The following IVD variants were observed in gnomAD, a reference collection of about 807,000 sequenced individuals.
IVD encodes isovaleryl-CoA dehydrogenase, also known as isovaleryl-CoA dehydrogenase, mitochondrial.
IVD carries 31 observed loss-of-function variants against 51.3 expected under a neutral mutation model. The observed-to-expected ratio is 0.60, with a 90% CI of 0.45 to 0.81. The LOEUF is 0.81. Ranked by LOEUF, IVD falls within the 40% of genes least tolerant of loss-of-function variation. The pLI, the probability that IVD is intolerant of heterozygous loss-of-function variation, is 0.00. For missense variants in IVD, 475 were observed against 552.0 expected (o/e 0.86, Z 1.40); for synonymous variants, 205 against 219.4 (o/e 0.93, Z 0.58).
Position 40,420,132 on chromosome 15 carries a change from C to G in IVD, c.*1869C>G. ...AATAATAATAAAATAAATGAACACA[C>G]ATGCTGCTGAGTCCGCAGGGGGGGC... On this transcript the variant is annotated 3_prime_UTR_variant, in exon 12 of 12. Transcript: ENST00000487418. 1.0e-6 allele frequency: 1 copy of G among 971,200 alleles called. No individual in the cohort carries two copies. Among genetic ancestry groups the G allele is most frequent in the Non-Finnish European group, 1.2e-6 (1 of 824,232 alleles). 60.2% of individuals were successfully genotyped at this position (971,200 alleles called of 1,614,324 possible).
rs1402470258 is a variant in IVD at position 40,413,047 on chromosome 15, T to A, written c.744T>A (p.Ser248=). The change falls in exon 7 of 12, where the codon TCT becomes TCA. Residue 248 remains serine (S), a synonymous_variant. Transcript: ENST00000487418. The part of the protein sequence containing the change: ...KKLDKLGMRG[S]NTCELIFEDC... Reference sequence around the variant, plus strand: ...TGGACAAGCTGGGGATGAGGGGCTCTAACACCTGTGAGCTAATCTTTGAAG... The same window carrying A: ...TGGACAAGCTGGGGATGAGGGGCTCAAACACCTGTGAGCTAATCTTTGAAG... 6.2e-7 allele frequency: 1 copy of A among 1,614,098 alleles called. No homozygotes were observed. The highest frequency in any genetic ancestry group is 1.1e-5 in the South Asian group (1 of 91,080).
chr15:40,409,905 C>T (rs1173816137), intron 3 of IVD, among the ~76,000 whole-genome samples: 2 of 149,248 alleles, frequency 1.3e-5, no homozygotes, highest in East Asian at 2.0e-4. Context: ...GGCGCGATCT[C>T]GGCTCTCTGC....
chr15:40,413,112 G>A (rs958984289), intron 7 of IVD, 25 bp downstream of exon 7: 43 of 1,576,104 alleles, frequency 2.7e-5, no homozygotes, highest in East Asian at 4.5e-5. Flanking sequence ...GAATCGGGGA[G>A]CCCCTCTCCT....
At chr15:40,411,522 G>A (rs779371595) in intron 5 of IVD, 33 bp from the exon 6 acceptor site, 8 of 1,614,130 alleles carry the variant, frequency 5.0e-6, no homozygotes, top group Non-Finnish European at 6.8e-6. Flanking sequence ...AGGCCAAGAT[G>A]GCTTGAGCAA....
downstream of IVD, among the ~76,000 whole-genome samples, chr15:40,429,454 A>G (rs1892848661): frequency 6.6e-6 from 1 of 152,184 alleles, no homozygotes; most frequent in African/African-American, 2.4e-5. Flanking sequence ...AATTACTCCA[A>G]TTTTAATGTT....
intron 11 of IVD, among the ~76,000 whole-genome samples, chr15:40,416,825 C>T (rs537364046): frequency 7.9e-4 from 121 of 152,322 alleles, no homozygotes; most frequent in African/African-American, 2.9e-3. Context: ...AATGAGAAAA[C>T]TGCTAGATGC....
At chr15:40,432,684 G>A (rs1395774090) in intron 7 of IVD, among the ~76,000 whole-genome samples, 1 of 152,270 alleles carries the variant, frequency 6.6e-6, no homozygotes, top group African/African-American at 2.4e-5. Flanking sequence ...AATGTGCTTA[G>A]GGATGCCACA....
intron 4 of IVD, 96 bp downstream of exon 4, chr15:40,410,893 T>C: frequency 7.0e-7 from 1 of 1,429,692 alleles, no homozygotes; most frequent in South Asian, 1.2e-5. Context: ...ACCTGCTTTC[T>C]GTAGCATGCT....
chr15:40,431,284 G>A (rs1380615381), intron 7 of IVD, among the ~76,000 whole-genome samples: 2 of 151,818 alleles, frequency 1.3e-5, no homozygotes, highest in Non-Finnish European at 2.9e-5. Flanking sequence ...GTGCCCAGCC[G>A]GCTCCACTAT....
Position 40,405,953 on chromosome 15 carries a change from A to G in IVD, c.126A>G (p.Leu42=), listed in dbSNP as rs1426096405. Residue 42 remains leucine (L), a synonymous_variant, in exon 1 of 12, where the codon CTA becomes CTG. Coordinates refer to ENST00000487418, the MANE Select transcript of IVD (RefSeq NM_002225.5). ...CCGTGGACGATGCAATCAATGGGCTAAGCGAGGAGCAGAGGCAGGTGAGGA... is the reference window on the plus strand; with the variant it reads ...CCGTGGACGATGCAATCAATGGGCTGAGCGAGGAGCAGAGGCAGGTGAGGA... ...LLPVDDAING[L]SEEQRQLRQT... is the part of the protein sequence containing the mutation. 6.2e-7 allele frequency: 1 copy of G among 1,611,646 alleles called. No homozygotes were observed. The highest frequency in any genetic ancestry group is 1.3e-5 in the African/African-American group (1 of 74,898).
At chr15:40,421,517 G>C (rs532135210), downstream of IVD, among the ~76,000 whole-genome samples, 1 of 152,166 alleles carries the variant, frequency 6.6e-6, no homozygotes, top group Non-Finnish European at 1.5e-5. Context: ...CTGCCCTGTG[G>C]GAGGGCAACA....
intron 7 of IVD, chr15:40,433,754 A>T (rs1595834724): frequency 2.4e-6 from 1 of 422,846 alleles, no homozygotes; most frequent in African/African-American, 2.0e-5. Flanking sequence ...AAGCATTATT[A>T]GGCAACTACT....
intron 8 of IVD, 49 bp from the exon 9 acceptor site, chr15:40,415,352 C>A (rs375048123): frequency 6.7e-7 from 1 of 1,490,172 alleles, no homozygotes; most frequent in South Asian, 1.1e-5. Context: ...CCACCACACC[C>A]GGTGGTGGGA....
At chr15:40,406,122 G>A (rs1469640691) in intron 1 of IVD, 151 bp downstream of exon 1, 1 of 1,538,822 alleles carries the variant, frequency 6.5e-7, no homozygotes, top group African/African-American at 1.4e-5. Flanking sequence ...GGGGCGGGAC[G>A]CGGGGCCTCC....
chr15:40,431,746 T>C (rs1892989441), intron 7 of IVD, among the ~76,000 whole-genome samples: 1 of 151,802 alleles, frequency 6.6e-6, no homozygotes, highest in Admixed American at 6.6e-5. Flanking sequence ...GCCTAACTCA[T>C]GGAATCTCTC....
At position 40,418,387 on chromosome 15, in the gene IVD, G is replaced by A; in HGVS notation, c.*124G>A. ...CCCAGCTGCTCTTGTCAGCCCTCTG[G>A]CCTCTGGATGAGGTTGAGTTCTCCA... On this transcript the variant is annotated 3_prime_UTR_variant, in exon 12 of 12. Transcript: ENST00000487418. 6.3e-7 allele frequency: 1 copy of A among 1,584,798 alleles called. No individual in the cohort carries two copies. Among genetic ancestry groups the A allele is most frequent in the Non-Finnish European group, 8.5e-7 (1 of 1,171,242 alleles).
chr15:40,418,814 T>G lies in IVD; in HGVS notation c.*551T>G. The G allele has an allele frequency of 9.6e-7, 1 of 1,043,598 alleles. No homozygotes were observed. The highest frequency in any genetic ancestry group is 1.2e-6 in the Non-Finnish European group (1 of 847,436). The allele number at this position is 1,043,598 out of a possible 1,614,324, so 64.6% of individuals were successfully genotyped here. On this transcript the variant is annotated 3_prime_UTR_variant, in exon 12 of 12. Transcript: ENST00000487418. ...TGGATAAGGCAAATTCAACTTTCAG[T>G]CTCTTTTCTGGGGGAAAAAAATAAT...
intron 1 of IVD, among the ~76,000 whole-genome samples, chr15:40,406,641 A>C (rs1457817700): frequency 6.6e-6 from 1 of 152,200 alleles, no homozygotes; most frequent in African/African-American, 2.4e-5. Context: ...AAAAAATAGA[A>C]AAGAAGACGA....
rs1425033720 is a variant in IVD, at chr15:40,416,064, C to A, written c.961-14C>A. Reference sequence around the variant, plus strand: ...GTTCCAGCATGTTGACCTGTGACATCCCTTTGTGCCCAGTTGATGCAGGGG... The same window carrying A: ...GTTCCAGCATGTTGACCTGTGACATACCTTTGTGCCCAGTTGATGCAGGGG... On this transcript the variant is annotated splice_polypyrimidine_tract_variant and intron_variant, in intron 9 of 11. Transcript: ENST00000487418. 6.2e-7 allele frequency: 1 copy of A among 1,613,072 alleles called. No homozygotes were observed. Among genetic ancestry groups the A allele is most frequent in the Non-Finnish European group, 8.5e-7 (1 of 1,179,002 alleles).
Sources: allele counts gnomAD v4.1 joint callset (sites outside exome capture counted in the v4.1 genomes callset), GRCh38; gene constraint gnomAD v4.1.1; transcripts MANE v1.5; gene names NCBI Gene and HGNC (gene_info 2026-07-23, HGNC 2026-07-21).